Variants in HS3ST2 observed in about 807,000 individuals in gnomAD.
HS3ST2 encodes heparan sulfate-glucosamine 3-sulfotransferase 2, also known as heparan sulfate glucosamine 3-O-sulfotransferase 2.
In HS3ST2, 17 loss-of-function variants were observed where a neutral mutation model predicts 26.3. That is an observed-to-expected ratio of 0.65 (90% CI 0.44 to 0.97). HS3ST2 has a LOEUF of 0.97. Ranked by LOEUF, HS3ST2 falls within the 50% of genes least tolerant of loss-of-function variation. HS3ST2 has a pLI of 0.00. For missense variants in HS3ST2, 402 were observed against 501.2 expected, an observed-to-expected ratio of 0.80 and a Z score of 1.89; for synonymous variants, 237 against 219.2, an observed-to-expected ratio of 1.08 and a Z score of -0.72.
Position 22,875,189 on chromosome 16 carries a change from A to G in HS3ST2, c.486-39755A>G, listed in dbSNP as rs142678844. Reference sequence around the variant, plus strand: ...AATTAAAAAAATTAAAAATAGAAAAATGGTTATAAAGATATAAAGAAAGTA... The same window carrying G: ...AATTAAAAAAATTAAAAATAGAAAAGTGGTTATAAAGATATAAAGAAAGTA... On this transcript the variant is annotated intron_variant, in intron 1 of 1. Coordinates refer to ENST00000261374, the MANE Select transcript of HS3ST2 (RefSeq NM_006043.2). Among the ~76,000 whole-genome samples, 848 of 152,202 alleles carry G rather than the reference A, an allele frequency of 5.6e-3. 6 individuals are homozygous for G. The highest frequency in any genetic ancestry group is 0.015 in the Admixed American group (224 of 15,292).
intron 1 of HS3ST2, among the ~76,000 whole-genome samples, chr16:22,865,283 G>A (rs572093584): frequency 2.6e-5 from 4 of 152,190 alleles, no homozygotes; most frequent in African/African-American, 7.2e-5. Context: ...GGCCGGGCGC[G>A]GTGGCTCATG....
chr16:22,839,081 C>T (rs1200606220), intron 1 of HS3ST2, among the ~76,000 whole-genome samples: 1 of 152,234 alleles, frequency 6.6e-6, no homozygotes, highest in African/African-American at 2.4e-5. Context: ...CTCTCTCCTT[C>T]ACTGTATTGA....
At chr16:22,839,161 C>G (rs1415934874) in intron 1 of HS3ST2, among the ~76,000 whole-genome samples, 1 of 152,188 alleles carries the variant, frequency 6.6e-6, no homozygotes, top group Non-Finnish European at 1.5e-5. Flanking sequence ...GTTTCTGTGC[C>G]TAGAAAAGTG....
At chr16:22,901,349 G>A (rs1341183684) in intron 1 of HS3ST2, among the ~76,000 whole-genome samples, 1 of 152,130 alleles carries the variant, frequency 6.6e-6, no homozygotes, top group Non-Finnish European at 1.5e-5. Flanking sequence ...GCAATTCAAC[G>A]GGTGGCCCAA....
intron 1 of HS3ST2, among the ~76,000 whole-genome samples, chr16:22,886,738 G>A (rs1231415458): frequency 1.3e-5 from 2 of 151,852 alleles, no homozygotes; most frequent in African/African-American, 4.8e-5. Flanking sequence ...CATTTTTAGT[G>A]TTACTGTGGC....
At chr16:22,882,603 A>T (rs1360165201) in intron 1 of HS3ST2, among the ~76,000 whole-genome samples, 3 of 152,154 alleles carry the variant, frequency 2.0e-5, no homozygotes, top group Non-Finnish European at 4.4e-5. Context: ...GCATGGTGGC[A>T]TGCGCCTATA....
At chr16:22,875,032 G>C (rs1275033813) in intron 1 of HS3ST2, among the ~76,000 whole-genome samples, 2 of 152,144 alleles carry the variant, frequency 1.3e-5, no homozygotes, top group Non-Finnish European at 2.9e-5. Context: ...TTTATTCATG[G>C]AGACGTGTGC....
chr16:22,822,791 G>A (rs1293319889), intron 1 of HS3ST2, among the ~76,000 whole-genome samples: 2 of 151,646 alleles, frequency 1.3e-5, no homozygotes, highest in Non-Finnish European at 2.9e-5. Context: ...GGAGGCAGGG[G>A]TTGCAGTGAG....
intron 1 of HS3ST2, among the ~76,000 whole-genome samples, chr16:22,827,733 A>T (rs1361794977): frequency 7.6e-6 from 1 of 132,348 alleles, no homozygotes; most frequent in Non-Finnish European, 1.6e-5. Context: ...TTTTTTTGAG[A>T]CAAGGTCTTG....
chr16:22,855,094 A>T (rs959087389), intron 1 of HS3ST2, among the ~76,000 whole-genome samples: 13 of 152,062 alleles, frequency 8.5e-5, no homozygotes, highest in African/African-American at 3.1e-4. Flanking sequence ...GTTGGAATTT[A>T]CTCTATTTCC....
At chr16:22,876,959 G>A (rs550298368) in intron 1 of HS3ST2, among the ~76,000 whole-genome samples, 32 of 152,226 alleles carry the variant, frequency 2.1e-4, no homozygotes, top group African/African-American at 7.7e-4. Context: ...ATGATACAAT[G>A]GACTTTGGGA....
intron 1 of HS3ST2, among the ~76,000 whole-genome samples, chr16:22,909,879 T>C (rs1265946896): frequency 1.3e-5 from 2 of 151,666 alleles, no homozygotes; most frequent in East Asian, 3.9e-4. Flanking sequence ...GTCTACTAAA[T>C]ACAAAAAATT....
intron 1 of HS3ST2, among the ~76,000 whole-genome samples, chr16:22,906,762 A>G (rs1902361470): frequency 6.6e-6 from 1 of 152,244 alleles, no homozygotes; most frequent in Non-Finnish European, 1.5e-5. Context: ...AATGCTAAAA[A>G]AGGGCTGAGC....
rs528196399 is a variant in HS3ST2 at position 22,886,088 on chromosome 16, G to T, written c.486-28856G>T. Among the ~76,000 whole-genome samples the T allele has an allele frequency of 5.3e-5, 8 of 152,214 alleles. No individual in the cohort carries two copies. The East Asian group carries it at 1.2e-3, about 22-fold the overall frequency. Reference sequence around the variant, plus strand: ...TCTTCTAAGCAAAGTAGCCCTGGAGGTTCATTTTCTTTTCCCTCAAAACCC... The same window carrying T: ...TCTTCTAAGCAAAGTAGCCCTGGAGTTTCATTTTCTTTTCCCTCAAAACCC... On this transcript the variant is annotated intron_variant, in intron 1 of 1. Coordinates refer to ENST00000261374, the MANE Select transcript of HS3ST2 (RefSeq NM_006043.2).
chr16:22,870,857 T>A (rs929006742), intron 1 of HS3ST2, among the ~76,000 whole-genome samples: 3 of 152,200 alleles, frequency 2.0e-5, no homozygotes, highest in Non-Finnish European at 4.4e-5. Context: ...TTAGGACTTA[T>A]AACCACCTAA....
rs1465170504 is a variant in HS3ST2 at position 22,814,863 on chromosome 16, G to T, written c.253G>T (p.Ala85Ser). 6.4e-7 allele frequency: 1 copy of T among 1,559,402 alleles called. No individual in the cohort carries two copies. The highest frequency in any genetic ancestry group is 8.7e-7 in the Non-Finnish European group (1 of 1,152,834). Reference protein sequence around the residue: ...PSGPTPSEPSAPSAPAAAVPA... With the variant: ...PSGPTPSEPSSPSAPAAAVPA... ...CGGGCCGACGCCCAGCGAGCCCAGC[G>T]CTCCCAGCGCGCCCGCCGCCGCCGT... The change falls in exon 1 of 2, where the codon GCT (alanine) becomes TCT (serine). Residue 85 changes from alanine to serine, a missense_variant. Ala to Ser is a moderately conservative substitution (Grantham distance 99). Around this residue, in one of 2 missense-constraint regions of HS3ST2, gnomAD observed 165 missense variants for 154.6 expected, o/e 1.07. Transcript: ENST00000261374.
Position 22,872,195 on chromosome 16 carries a change from C to A in HS3ST2, c.486-42749C>A, listed in dbSNP as rs181987057. ...TGAGCATTAGGATTTCAAATGGCAGCCCTAGAGATAAACCCAAGTAAAAGA... is the reference window on the plus strand; with the variant it reads ...TGAGCATTAGGATTTCAAATGGCAGACCTAGAGATAAACCCAAGTAAAAGA... On this transcript the variant is annotated intron_variant, in intron 1 of 1. Coordinates refer to ENST00000261374, the MANE Select transcript of HS3ST2 (RefSeq NM_006043.2). Among the ~76,000 whole-genome samples, 33 of 152,280 alleles carry A rather than the reference C, an allele frequency of 2.2e-4. 1 individual carries two copies. The highest frequency in any genetic ancestry group is 7.5e-4 in the African/African-American group (31 of 41,548).
intron 1 of HS3ST2, among the ~76,000 whole-genome samples, chr16:22,855,158 G>A (rs1901571893): frequency 6.6e-6 from 1 of 152,022 alleles, no homozygotes; most frequent in South Asian, 2.1e-4. Flanking sequence ...TTATGACATT[G>A]GCATTTTTCA....
At chr16:22,896,357 C>T (rs146663084) in intron 1 of HS3ST2, among the ~76,000 whole-genome samples, 126 of 152,300 alleles carry the variant, frequency 8.3e-4, no homozygotes, top group Middle Eastern at 6.8e-3. Context: ...CGTTAGCTCT[C>T]GGATGTGGGT....
Sources: gnomAD v4.1 joint callset for allele counts (sites outside exome capture counted in the v4.1 genomes callset) on GRCh38, gnomAD v4.1.1 for gene constraint, gnomAD v4.1.1 regional missense constraint, MANE v1.5 for transcripts, NCBI Gene and HGNC (gene_info 2026-07-23, HGNC 2026-07-21) for gene names.